MARCHF6: variants seen among roughly 807,000 people sequenced by gnomAD.
The protein encoded by MARCHF6 is E3 ubiquitin-protein ligase MARCHF6.
Under a neutral mutation model 133.7 loss-of-function variants are expected in MARCHF6, and 31 were observed. That is an observed-to-expected ratio of 0.23 (90% CI 0.17 to 0.31). The LOEUF is 0.31. MARCHF6 is among the 10% of genes least tolerant of loss of function. The probability of loss-of-function intolerance (pLI) is 1.00; values close to 1 mark genes in which losing one functional copy is unlikely to be tolerated. For synonymous variants in MARCHF6, 395 were observed against 402.5 expected (o/e 0.98, Z 0.22); for missense variants, 723 against 1,121.6 (o/e 0.64, Z 5.08).
chr5:10,421,866 T>G (rs1219010291), intron 22 of MARCHF6: 2 of 152,242 alleles, frequency 1.3e-5, no homozygotes, highest in African/African-American at 4.8e-5. Flanking sequence ...CTTTAGGATA[T>G]TCTCAGCCAG....
At position 10,403,510 on chromosome 5, in the gene MARCHF6, A is replaced by G. The variant is rs1468758962; in HGVS notation, c.1301A>G (p.Tyr434Cys). The change falls in exon 15 of 26, where the codon TAC (tyrosine) becomes TGC (cysteine). Residue 434 changes from tyrosine to cysteine, a missense_variant. This residue lies in a region of MARCHF6 where 492 missense variants were observed against 699.5 expected (regional missense o/e 0.70). Coordinates refer to ENST00000274140, the MANE Select transcript of MARCHF6 (RefSeq NM_005885.4). Reference protein sequence around the residue: ...HWLVGMVYVFYFASFILLLRE... With the variant: ...HWLVGMVYVFCFASFILLLRE... ...CTAGTGGGAATGGTATATGTCTTCTACTTTGCCTCCTTCATTCTACTACTG... is the reference window on the plus strand; with the variant it reads ...CTAGTGGGAATGGTATATGTCTTCTGCTTTGCCTCCTTCATTCTACTACTG... 1 of 1,613,548 alleles carries G rather than the reference A, an allele frequency of 6.2e-7. No individual in the cohort carries two copies. Among genetic ancestry groups the G allele is most frequent in the Non-Finnish European group, 8.5e-7 (1 of 1,179,788 alleles).
chr5:10,390,638 T>G lies in MARCHF6; in HGVS notation c.576+138T>G, dbSNP rs181603629. The G allele has an allele frequency of 6.3e-5, 54 of 855,512 alleles. No individual in the cohort carries two copies. The Admixed American group carries it at 1.0e-3, about 16-fold the overall frequency. 53.0% of individuals were successfully genotyped at this position (855,512 alleles called of 1,614,324 possible). ...TTACAAAGGAGGGCAGCGGAAAGGT[T>G]TGGGTGAAGATGAAGAGAGATGTGA... On this transcript the variant is annotated intron_variant, in intron 6 of 25. Transcript: ENST00000274140.
At chr5:10,359,697 T>C (rs1735694683) in intron 1 of MARCHF6, among the ~76,000 whole-genome samples, 1 of 152,142 alleles carries the variant, frequency 6.6e-6, no homozygotes, top group Non-Finnish European at 1.5e-5. Flanking sequence ...TGAGTACTCA[T>C]AATACCTAGT....
At chr5:10,358,551 A>C (rs1300475444) in intron 1 of MARCHF6, among the ~76,000 whole-genome samples, 1 of 152,204 alleles carries the variant, frequency 6.6e-6, no homozygotes, top group Non-Finnish European at 1.5e-5. Flanking sequence ...ATGACTACAT[A>C]ACATTTATGT....
Position 10,416,185 on chromosome 5 carries a change from T to TA in MARCHF6, c.2148+524dup, listed in dbSNP as rs3834257. Among the ~76,000 whole-genome samples the TA allele has an allele frequency of 1.7e-4, 26 of 152,098 alleles. 1 individual carries two copies. In the East Asian group the frequency reaches 4.8e-3, roughly 28 times the overall value. ...ACATATGACTCCCACAAATGTAGGATAAAAAAAATACTGTAAGATGATTAT... is the reference window on the plus strand; with the variant it reads ...ACATATGACTCCCACAAATGTAGGATAAAAAAAAATACTGTAAGATGATTAT... On this transcript the variant is annotated intron_variant, in intron 21 of 25. Transcript: ENST00000274140.
chr5:10,379,835 G>A (rs1194318068), intron 3 of MARCHF6, among the ~76,000 whole-genome samples: 1 of 151,962 alleles, frequency 6.6e-6, no homozygotes, highest in Non-Finnish European at 1.5e-5. Flanking sequence ...TGAACTCCTG[G>A]CCTCAAGCAA....
chr5:10,377,733 T>A (rs1168931592), intron 1 of MARCHF6, 65 bp from the exon 2 acceptor site: 41 of 1,166,160 alleles, frequency 3.5e-5, no homozygotes, highest in Non-Finnish European at 6.4e-6. Flanking sequence ...TGGTTTATGC[T>A]TGTTTCTTGC....
intron 7 of MARCHF6, among the ~76,000 whole-genome samples, chr5:10,392,802 G>A (rs192028104): frequency 1.3e-5 from 2 of 151,746 alleles, no homozygotes. Context: ...TCAGCTGTTG[G>A]TCACTCACTT....
chr5:10,387,356 A>G (rs950141105), intron 5 of MARCHF6, among the ~76,000 whole-genome samples: 4 of 149,148 alleles, frequency 2.7e-5, no homozygotes, highest in Non-Finnish European at 4.4e-5. Context: ...AGGCTGGAGT[A>G]TAATGGTGCG....
Position 10,436,492 on chromosome 5 carries a change from T to G in MARCHF6, c.*2808T>G, listed in dbSNP as rs1490728295. 6.6e-5 allele frequency: 10 copies of G among 152,156 alleles called. No homozygotes were observed. Among genetic ancestry groups the G allele is most frequent in the Admixed American group, 6.5e-4 (10 of 15,278 alleles). The allele number at this position is 152,156 out of a possible 1,614,324, so 9.4% of individuals were successfully genotyped here. Reference sequence around the variant, plus strand: ...TCTTCACATAAATTTTTTTTTAAATTATACTATTATTTTGCTTAATTTTAT... The same window carrying G: ...TCTTCACATAAATTTTTTTTTAAATGATACTATTATTTTGCTTAATTTTAT... On this transcript the variant is annotated 3_prime_UTR_variant, in exon 26 of 26. Transcript: ENST00000274140.
chr5:10,410,375 T>A (rs1476768139), intron 18 of MARCHF6, 99 bp downstream of exon 18: 1 of 1,379,548 alleles, frequency 7.2e-7, no homozygotes, highest in Non-Finnish European at 9.7e-7. Context: ...TCAAGAAAAA[T>A]TAGTTTTAAT....
At chr5:10,407,963 C>T (rs917908416) in intron 17 of MARCHF6, among the ~76,000 whole-genome samples, 6 of 143,058 alleles carry the variant, frequency 4.2e-5, no homozygotes, top group East Asian at 2.2e-4. Flanking sequence ...TCCCCCCCCC[C>T]CCAAAAAAAA....
Position 10,429,968 on chromosome 5 carries a change from C to T in MARCHF6, c.2582C>T (p.Ala861Val). 2 of 1,613,654 alleles carry T rather than the reference C, an allele frequency of 1.2e-6. No homozygotes were observed. Among genetic ancestry groups the T allele is most frequent in the Non-Finnish European group, 1.7e-6 (2 of 1,179,604 alleles). Residue 861 changes from alanine to valine, a missense_variant, in exon 25 of 26, where the codon GCA becomes GTA. Ala to Val is a moderately conservative substitution (Grantham distance 64, BLOSUM62 0). Transcript: ENST00000274140. ...TTACTGATGGTCGTGGTATTGATGG[C>T]AATTTTGTCCTTCCAAGTCCGCCAG... The part of the protein sequence containing the change: ...PFLLMVVVLM[A>V]ILSFQVRQFK...
At chr5:10,406,571 G>A (rs1383500403) in intron 16 of MARCHF6, among the ~76,000 whole-genome samples, 3 of 151,930 alleles carry the variant, frequency 2.0e-5, no homozygotes, top group Non-Finnish European at 4.4e-5. Context: ...TGTATTTTTA[G>A]TAGATGCGGG....
intron 1 of MARCHF6, among the ~76,000 whole-genome samples, chr5:10,372,140 T>A (rs975970687): frequency 6.6e-6 from 1 of 151,926 alleles, no homozygotes; most frequent in Non-Finnish European, 1.5e-5. Context: ...ATTTTGAGAA[T>A]ATGAAAACAT....
At chr5:10,409,823 A>G (rs1739115753) in intron 17 of MARCHF6, among the ~76,000 whole-genome samples, 1 of 152,148 alleles carries the variant, frequency 6.6e-6, no homozygotes, top group South Asian at 2.1e-4. Flanking sequence ...GGTACAGTCA[A>G]AAGGATTCTC....
chr5:10,433,696 C>T lies in MARCHF6; in HGVS notation c.*12C>T, dbSNP rs1345371812. 2.5e-6 allele frequency: 4 copies of T among 1,609,082 alleles called. No homozygotes were observed. The highest frequency in any genetic ancestry group is 4.5e-5 in the East Asian group (2 of 44,844). ...CATCCCAAGAATAAAGTAGTTGTCT[C>T]AACAACTTGACCTTCCCCTTTACAT... is the stretch of plus-strand genomic sequence containing the variant. On this transcript the variant is annotated 3_prime_UTR_variant, in exon 26 of 26. Transcript: ENST00000274140.
At chr5:10,371,567 CTT>C (rs1736464790) in intron 1 of MARCHF6, among the ~76,000 whole-genome samples, 2 of 152,114 alleles carry the variant, frequency 1.3e-5, no homozygotes, top group South Asian at 4.1e-4. Context: ...TCTCATGAGA[CTT>C]ATTCACTATC....
intron 1 of MARCHF6, among the ~76,000 whole-genome samples, chr5:10,357,321 C>T (rs1024868123): frequency 6.6e-6 from 1 of 150,774 alleles, no homozygotes; most frequent in Non-Finnish European, 1.5e-5. Context: ...TCATAGAATG[C>T]CCACATTTCG....
Sources: gnomAD v4.1 joint callset for allele counts (sites outside exome capture counted in the v4.1 genomes callset) on GRCh38, gnomAD v4.1.1 for gene constraint, gnomAD v4.1.1 regional missense constraint, MANE v1.5 for transcripts, NCBI Gene and HGNC (gene_info 2026-07-23, HGNC 2026-07-21) for gene names.